The following MAP2K6 variants were observed in gnomAD, a reference collection of about 807,000 sequenced individuals.
The protein encoded by MAP2K6 is mitogen-activated protein kinase kinase 6, also known as dual specificity mitogen-activated protein kinase kinase 6.
Under a neutral mutation model 53.7 loss-of-function variants are expected in MAP2K6, and 16 were observed. The observed-to-expected ratio is 0.30, with a 90% CI of 0.20 to 0.45. The LOEUF is 0.45. Ranked by LOEUF, MAP2K6 falls within the 20% of genes least tolerant of loss-of-function variation. The probability of loss-of-function intolerance (pLI) is 1.00; values close to 1 mark genes in which losing one functional copy is unlikely to be tolerated. For synonymous variants in MAP2K6, 132 were observed against 143.1 expected (o/e 0.92, Z 0.55); for missense variants, 204 against 411.9 (o/e 0.50, Z 4.37).
At chr17:69,453,620 T>G (rs1422705921) in intron 1 of MAP2K6, among the ~76,000 whole-genome samples, 1 of 152,264 alleles carries the variant, frequency 6.6e-6, no homozygotes, top group Non-Finnish European at 1.5e-5. Context: ...TTTGAATTGC[T>G]TATTGATTGA....
chr17:69,472,116 T>C (rs1245435749), intron 1 of MAP2K6, among the ~76,000 whole-genome samples: 2 of 152,156 alleles, frequency 1.3e-5, no homozygotes, highest in Non-Finnish European at 2.9e-5. Flanking sequence ...ATATCGTTCT[T>C]CAACTTGGTG....
chr17:69,440,184 A>G (rs1906773695), intron 1 of MAP2K6, among the ~76,000 whole-genome samples: 1 of 152,094 alleles, frequency 6.6e-6, no homozygotes, highest in Non-Finnish European at 1.5e-5. Context: ...AGTAGCTGAG[A>G]TTACAGGCAC....
At chr17:69,466,727 G>A (rs1907825707) in intron 1 of MAP2K6, among the ~76,000 whole-genome samples, 1 of 152,210 alleles carries the variant, frequency 6.6e-6, no homozygotes, top group South Asian at 2.1e-4. Flanking sequence ...AGGACTAATT[G>A]TATGACTTGG....
chr17:69,536,917 C>T (rs777602984), intron 11 of MAP2K6, among the ~76,000 whole-genome samples: 34 of 150,944 alleles, frequency 2.3e-4, no homozygotes, highest in Non-Finnish European at 3.7e-4. Flanking sequence ...CCCACCTCTA[C>T]AAAAAGTACA....
intron 2 of MAP2K6, among the ~76,000 whole-genome samples, chr17:69,508,122 G>T (rs746957902): frequency 2.3e-5 from 3 of 131,122 alleles, no homozygotes; most frequent in Non-Finnish European, 4.6e-5. Flanking sequence ...CGTGATCTCG[G>T]CTCACTGCAA....
At chr17:69,456,202 G>A (rs1334144583) in intron 1 of MAP2K6, among the ~76,000 whole-genome samples, 1 of 152,168 alleles carries the variant, frequency 6.6e-6, no homozygotes, top group Non-Finnish European at 1.5e-5. Flanking sequence ...AGAGCAAACT[G>A]GGTGTAGTTG....
intron 1 of MAP2K6, among the ~76,000 whole-genome samples, chr17:69,455,922 G>A (rs1326416429): frequency 5.5e-5 from 8 of 145,022 alleles, no homozygotes; most frequent in South Asian, 2.2e-4. Flanking sequence ...GTGCAATGGC[G>A]CGATCTTGGC....
chr17:69,525,083 C>T (rs558840596), intron 9 of MAP2K6, 105 bp downstream of exon 9: 88 of 865,968 alleles, frequency 1.0e-4, no homozygotes, highest in Non-Finnish European at 1.3e-4. Context: ...TGGTTTGGGG[C>T]GCCCTCTCCT....
intron 1 of MAP2K6, among the ~76,000 whole-genome samples, chr17:69,464,561 T>C (rs1907733621): frequency 6.6e-6 from 1 of 152,060 alleles, no homozygotes; most frequent in Non-Finnish European, 1.5e-5. Context: ...TTTGTATTTT[T>C]AGTAAAGATG....
chr17:69,540,608 A>T (rs1369064250), intron 11 of MAP2K6, among the ~76,000 whole-genome samples: 1 of 152,248 alleles, frequency 6.6e-6, no homozygotes, highest in Non-Finnish European at 1.5e-5. Context: ...TTTGAAATGC[A>T]TGGCCTCTTG....
At chr17:69,437,285 G>T (rs137983406) in intron 1 of MAP2K6, among the ~76,000 whole-genome samples, 36 of 152,254 alleles carry the variant, frequency 2.4e-4, no homozygotes, top group African/African-American at 7.5e-4. Context: ...CAAAGAAAAT[G>T]ATATTAAGAA....
At chr17:69,516,786 G>C in intron 2 of MAP2K6, 69 bp from the exon 3 acceptor site, 1 of 1,148,658 alleles carries the variant, frequency 8.7e-7, no homozygotes, top group Non-Finnish European at 1.3e-6. Context: ...CCTCAGTGGT[G>C]TGTGATTTGG....
chr17:69,438,297 A>G lies in MAP2K6; in HGVS notation c.16+23297A>G, dbSNP rs961055582. 3.9e-5 allele frequency among the ~76,000 whole-genome samples: 6 copies of G among 152,118 alleles called. No individual in the cohort carries two copies. The South Asian group carries it at 6.2e-4, about 16-fold the overall frequency. ...GGTTGCCTGCATTTCCATGGGTCCAATGTTTCTGCTTGTTGTTTTGGTTAC... is the reference window on the plus strand; with the variant it reads ...GGTTGCCTGCATTTCCATGGGTCCAGTGTTTCTGCTTGTTGTTTTGGTTAC... On this transcript the variant is annotated intron_variant, in intron 1 of 11. Coordinates refer to ENST00000590474, the MANE Select transcript of MAP2K6 (RefSeq NM_002758.4).
At chr17:69,503,738 C>T (rs1909298035) in intron 1 of MAP2K6, among the ~76,000 whole-genome samples, 2 of 152,090 alleles carry the variant, frequency 1.3e-5, no homozygotes, top group Non-Finnish European at 2.9e-5. Flanking sequence ...TGAGACAGTA[C>T]TGATTGTTTC....
intron 1 of MAP2K6, among the ~76,000 whole-genome samples, chr17:69,420,490 C>T (rs866583145): frequency 2.6e-5 from 4 of 152,226 alleles, no homozygotes; most frequent in South Asian, 2.1e-4. Context: ...TTAACATATC[C>T]TTAACATAGC....
At chr17:69,462,218 C>G (rs1032111402) in intron 1 of MAP2K6, among the ~76,000 whole-genome samples, 1 of 152,144 alleles carries the variant, frequency 6.6e-6, no homozygotes, top group African/African-American at 2.4e-5. Flanking sequence ...GAACCTCTAC[C>G]TCAGTTAGCA....
intron 11 of MAP2K6, among the ~76,000 whole-genome samples, chr17:69,538,579 T>C (rs1598322172): frequency 6.6e-6 from 1 of 152,348 alleles, no homozygotes; most frequent in South Asian, 2.1e-4. Flanking sequence ...ATTGTTTAGA[T>C]TTTAGGAGTT....
chr17:69,471,083 T>G (rs1469533107), intron 1 of MAP2K6, among the ~76,000 whole-genome samples: 2 of 152,194 alleles, frequency 1.3e-5, no homozygotes, highest in Non-Finnish European at 2.9e-5. Flanking sequence ...GTAAATTAAT[T>G]GATTGAGCAT....
Position 69,523,422 on chromosome 17 carries a change from G to T in MAP2K6, c.536-92G>T, listed in dbSNP as rs1330316748. 7 of 1,538,088 alleles carry T rather than the reference G, an allele frequency of 4.6e-6. No individual in the cohort carries two copies. In the East Asian group the frequency reaches 1.4e-4, roughly 30 times the overall value. On this transcript the variant is annotated intron_variant, in intron 7 of 11. Coordinates refer to ENST00000590474, the MANE Select transcript of MAP2K6 (RefSeq NM_002758.4). Reference sequence around the variant, plus strand: ...GGCAGCTTGGGGAAAGGAAGATGAAGGACAAATGGAGATTTTAGGCCCTCT... The same window carrying T: ...GGCAGCTTGGGGAAAGGAAGATGAATGACAAATGGAGATTTTAGGCCCTCT...
Sources: allele counts gnomAD v4.1 joint callset (sites outside exome capture counted in the v4.1 genomes callset), GRCh38; gene constraint gnomAD v4.1.1; transcripts MANE v1.5; gene names NCBI Gene and HGNC (gene_info 2026-07-23, HGNC 2026-07-21).